ANKRD12: variants seen among roughly 807,000 people sequenced by gnomAD.
ANKRD12 encodes ankyrin repeat domain 12.
A neutral mutation model predicts 183.4 loss-of-function variants in ANKRD12; 85 were observed. The observed-to-expected ratio is 0.46, with a 90% confidence interval of 0.39 to 0.56. ANKRD12 has a LOEUF of 0.56. Ranked by LOEUF, ANKRD12 falls within the 20% of genes least tolerant of loss-of-function variation. The pLI is 0.00. For synonymous variants in ANKRD12, 914 were observed against 800.2 expected, an observed-to-expected ratio of 1.14 and a Z score of -2.40; for missense variants, 2,405 against 2,357.1, an observed-to-expected ratio of 1.02 and a Z score of -0.42.
At chr18:9,204,423 G>A (rs1478645520) in intron 3 of ANKRD12, 53 bp from the exon 4 acceptor site, 35 of 1,283,402 alleles carry the variant, frequency 2.7e-5, no homozygotes, top group Non-Finnish European at 3.9e-5. Context: ...GTTGAATTCT[G>A]CATTTCCCTC....
chr18:9,137,991 G>A (rs1192606701), intron 1 of ANKRD12: 1 of 152,228 alleles, frequency 6.6e-6, no homozygotes, highest in African/African-American at 2.4e-5. Context: ...TGTAGTCACC[G>A]GGATTGTAAT....
chr18:9,264,566 T>G (rs995718581), intron 10 of ANKRD12, among the ~76,000 whole-genome samples: 2 of 152,230 alleles, frequency 1.3e-5, no homozygotes, highest in African/African-American at 4.8e-5. Context: ...TGTGGACTTC[T>G]GTAACAGTCT....
At chr18:9,265,821 C>A (rs2039256124) in intron 10 of ANKRD12, among the ~76,000 whole-genome samples, 1 of 152,198 alleles carries the variant, frequency 6.6e-6, no homozygotes, top group South Asian at 2.1e-4. Flanking sequence ...TCAAACTACT[C>A]CGAGATAAAG....
rs1266365616 is a variant in ANKRD12, at chr18:9,156,926, T to TAGAGTAGGTTCATGGAGATAG, written c.-52+19963_-52+19983dup. 5.9e-5 allele frequency among the ~76,000 whole-genome samples: 9 copies of TAGAGTAGGTTCATGGAGATAG among 152,308 alleles called. No individual in the cohort carries two copies. The East Asian group carries it at 9.6e-4, about 16-fold the overall frequency. On this transcript the variant is annotated intron_variant, in intron 1 of 12. Coordinates refer to ENST00000262126, the MANE Select transcript of ANKRD12 (RefSeq NM_015208.5). ...TATGATTGCACTTGCACGAAGTGCC[T>TAGAGTAGGTTCATGGAGATAG]AGAGTAGGTTCATGGAGATAGAAAG... is the stretch of plus-strand genomic sequence containing the variant.
rs186605997 is a variant in ANKRD12 at position 9,192,722 on chromosome 18, G to A, written c.88-2829G>A. On this transcript the variant is annotated intron_variant, in intron 2 of 12. Transcript: ENST00000262126. ...TTTTTTTTCCTCCTTTTTTTTTAGA[G>A]ACAGGGTCTTGCTCTGCTCTGTCAC... Among the ~76,000 whole-genome samples the A allele has an allele frequency of 2.9e-3, 430 of 149,122 alleles. 3 individuals are homozygous for A. The highest frequency in any genetic ancestry group is 4.1e-3 in the Non-Finnish European group (280 of 67,532).
At chr18:9,238,157 T>C (rs2037455308) in intron 8 of ANKRD12, among the ~76,000 whole-genome samples, 1 of 152,206 alleles carries the variant, frequency 6.6e-6, no homozygotes, top group Non-Finnish European at 1.5e-5. Context: ...TTGGCTTTCG[T>C]CCAGCTCCCC....
intron 2 of ANKRD12, among the ~76,000 whole-genome samples, chr18:9,193,510 G>GT (rs1019754086): frequency 4.3e-4 from 65 of 150,684 alleles, no homozygotes; most frequent in Middle Eastern, 3.4e-3. Flanking sequence ...AATCTCAGTG[G>GT]TTTTTTTTTG....
chr18:9,244,641 C>T (rs1448014403), intron 8 of ANKRD12, among the ~76,000 whole-genome samples: 6 of 152,162 alleles, frequency 3.9e-5, no homozygotes, highest in Non-Finnish European at 8.8e-5. Flanking sequence ...TTCATTGTGT[C>T]ATGCTGTTGA....
In ANKRD12 at chr18:9,284,540, A is replaced by C. The variant is rs1032572536; in HGVS notation, c.*3414A>C. On this transcript the variant is annotated 3_prime_UTR_variant, in exon 13 of 13. Coordinates refer to ENST00000262126, the MANE Select transcript of ANKRD12 (RefSeq NM_015208.5). ...CCGTTTGTAAAAATTATTTTTAAAT[A>C]TTTAGGGCAAAATTTTTGTTAGATA... 7.3e-5 allele frequency: 11 copies of C among 151,134 alleles called. No individual in the cohort carries two copies. The highest frequency in any genetic ancestry group is 2.7e-4 in the African/African-American group (11 of 40,462). The allele number at this position is 151,134 out of a possible 1,614,324, so 9.4% of individuals were successfully genotyped here.
rs764540488 is a variant in ANKRD12, at chr18:9,257,946, T to C, written c.4679T>C (p.Phe1560Ser). 6.2e-7 allele frequency: 1 copy of C among 1,613,808 alleles called. No homozygotes were observed. The highest frequency in any genetic ancestry group is 1.3e-5 in the African/African-American group (1 of 74,896). ...VLGDVQKTDA[F>S]VPVYSDSTIQ... is the part of the protein sequence containing the mutation. ...GGAGATGTTCAAAAAACAGATGCCT[T>C]TGTCCCAGTGTACTCTGACAGCACT... is the stretch of plus-strand genomic sequence containing the variant. The change falls in exon 9 of 13, where the codon TTT becomes TCT. Residue 1560 changes from phenylalanine to serine, a missense_variant. This residue lies in a region of ANKRD12 where 1,983 missense variants were observed against 1,725.9 expected (regional missense o/e 1.15). Transcript: ENST00000262126.
At chr18:9,270,883 A>C (rs188762406) in intron 10 of ANKRD12, among the ~76,000 whole-genome samples, 3 of 152,368 alleles carry the variant, frequency 2.0e-5, no homozygotes, top group Admixed American at 2.0e-4. Context: ...ACTTGAGGGC[A>C]ACTTTAAATG....
chr18:9,222,288 A>G (rs1358017330), intron 8 of ANKRD12, among the ~76,000 whole-genome samples: 20 of 152,178 alleles, frequency 1.3e-4, no homozygotes. Context: ...CTCCCCATGC[A>G]GAGCTACCAC....
chr18:9,207,388 T>C (rs1381041707), intron 4 of ANKRD12, among the ~76,000 whole-genome samples: 1 of 152,024 alleles, frequency 6.6e-6, no homozygotes, highest in Non-Finnish European at 1.5e-5. Flanking sequence ...TTCAAGAAAA[T>C]GGACTTTTTA....
chr18:9,171,611 T>G (rs975799478), intron 1 of ANKRD12, among the ~76,000 whole-genome samples: 1 of 152,174 alleles, frequency 6.6e-6, no homozygotes, highest in African/African-American at 2.4e-5. Context: ...TTTTGGGAGC[T>G]CTTTCAAGAC....
chr18:9,175,728 A>C lies in ANKRD12; in HGVS notation c.-51-6654A>C, dbSNP rs1463461006. Among the ~76,000 whole-genome samples the C allele has an allele frequency of 2.6e-5, 4 of 151,702 alleles. No homozygotes were observed. The East Asian group carries it at 7.7e-4, about 29-fold the overall frequency. On this transcript the variant is annotated intron_variant, in intron 1 of 12. Transcript: ENST00000262126. Reference sequence around the variant, plus strand: ...ATTTTAGTAGAGATGGGGTTTCACCATGTTGCCCAGGCTGGTCTTGAACTC... The same window carrying C: ...ATTTTAGTAGAGATGGGGTTTCACCCTGTTGCCCAGGCTGGTCTTGAACTC...
intron 1 of ANKRD12, among the ~76,000 whole-genome samples, chr18:9,140,028 T>C (rs2078263141): frequency 6.6e-6 from 1 of 152,230 alleles, no homozygotes; most frequent in Non-Finnish European, 1.5e-5. Flanking sequence ...TCTTGATTTA[T>C]CACTTCCTCA....
At chr18:9,218,830 G>C (rs377385173) in intron 7 of ANKRD12, among the ~76,000 whole-genome samples, 57 of 151,904 alleles carry the variant, frequency 3.8e-4, no homozygotes, top group African/African-American at 1.3e-3. Flanking sequence ...ACCATGCTAG[G>C]CTAATTTTTA....
chr18:9,201,256 T>C (rs1466014067), intron 3 of ANKRD12, among the ~76,000 whole-genome samples: 4 of 152,216 alleles, frequency 2.6e-5, no homozygotes, highest in Non-Finnish European at 5.9e-5. Context: ...TAATAAAGTT[T>C]CCACCTAAGT....
At chr18:9,222,066 C>T in intron 8 of ANKRD12, 67 bp downstream of exon 8, 1 of 1,551,970 alleles carries the variant, frequency 6.4e-7, no homozygotes. Context: ...ATTCTGGATT[C>T]ATTTGTAATA....
Sources: allele counts gnomAD v4.1 joint callset (sites outside exome capture counted in the v4.1 genomes callset), GRCh38; gene constraint gnomAD v4.1.1; regional missense constraint gnomAD v4.1.1; transcripts MANE v1.5; gene names NCBI Gene and HGNC (gene_info 2026-07-23, HGNC 2026-07-21).